Variants in CYREN observed in about 807,000 individuals in gnomAD.
CYREN encodes the protein cell cycle regulator of non-homologous end joining.
Under a neutral mutation model 9.7 loss-of-function variants are expected in CYREN, and 7 were observed. That is an observed-to-expected ratio of 0.72 (90% CI 0.41 to 1.36). The LOEUF (loss-of-function observed/expected upper bound fraction) is 1.36, where lower values mean the gene tolerates loss of function less well. Among genes scored for constraint, CYREN ranks in the 40% most tolerant of loss-of-function variants. CYREN has a pLI of 0.01. For synonymous variants in CYREN, 76 were observed against 77.9 expected, an observed-to-expected ratio of 0.98 and a Z score of 0.13; for missense variants, 215 against 198.1, an observed-to-expected ratio of 1.09 and a Z score of -0.51.
At chr7:135,164,776 C>T (rs292502), downstream of CYREN, 76 of 1,614,198 alleles carry the variant, frequency 4.7e-5, no homozygotes, top group Admixed American at 8.3e-5. Context: ...GATGAGAGAG[C>T]GTGGCGGCTG....
At chr7:135,101,915 T>C (rs1458323649) in intron 2 of CYREN, among the ~76,000 whole-genome samples, 1 of 152,176 alleles carries the variant, frequency 6.6e-6, no homozygotes, top group Non-Finnish European at 1.5e-5. Context: ...GTCCTCATGA[T>C]AGTAAATAAG....
intron 2 of CYREN, among the ~76,000 whole-genome samples, chr7:135,128,291 C>CAAAAAAAAAAAAA (rs61217008): frequency 1.7e-5 from 1 of 58,070 alleles, no homozygotes; most frequent in African/African-American, 8.1e-5. Flanking sequence ...GACTCCATCT[C>CAAAAAAAAAAAAA]AAAAAAAAAA....
At chr7:135,148,865 C>A (rs1244382483) in intron 2 of CYREN, among the ~76,000 whole-genome samples, 1 of 152,128 alleles carries the variant, frequency 6.6e-6, no homozygotes, top group African/African-American at 2.4e-5. Context: ...TATTTTAGTT[C>A]TCTTGATGCA....
chr7:135,125,084 A>T (rs1443527803), intron 2 of CYREN, among the ~76,000 whole-genome samples: 1 of 151,982 alleles, frequency 6.6e-6, no homozygotes, highest in Non-Finnish European at 1.5e-5. Context: ...GACACAAAAA[A>T]CTCCCCCAAA....
chr7:135,158,675 G>C (rs149541961), intron 2 of CYREN, among the ~76,000 whole-genome samples: 249 of 150,702 alleles, frequency 1.7e-3, no homozygotes, highest in Middle Eastern at 3.4e-3. Context: ...TGGGATCAGA[G>C]AGTGTCCCTC....
intron 2 of CYREN, chr7:135,128,601 C>G (rs1359781796): frequency 5.2e-6 from 4 of 776,362 alleles, no homozygotes; most frequent in Non-Finnish European, 7.1e-6. Flanking sequence ...GCTATCTGCT[C>G]TATGGGAAGA....
chr7:135,120,330 A>C (rs1826966103), intron 2 of CYREN, among the ~76,000 whole-genome samples: 1 of 152,238 alleles, frequency 6.6e-6, no homozygotes, highest in South Asian at 2.1e-4. Context: ...AAATGTGAGA[A>C]GGTAAAAGGA....
chr7:135,095,644 A>G (rs896911554), intron 2 of CYREN, among the ~76,000 whole-genome samples: 2 of 152,226 alleles, frequency 1.3e-5, no homozygotes, highest in Non-Finnish European at 2.9e-5. Context: ...TCCCCAAAAT[A>G]GAAAATGGAA....
At chr7:135,126,452 G>A (rs1371849022) in intron 2 of CYREN, among the ~76,000 whole-genome samples, 1 of 152,140 alleles carries the variant, frequency 6.6e-6, no homozygotes, top group African/African-American at 2.4e-5. Flanking sequence ...TCATGAAAAT[G>A]GCAGTACTGC....
intron 2 of CYREN, chr7:135,135,324 G>T (rs1417189798): frequency 7.5e-7 from 1 of 1,330,550 alleles, no homozygotes; most frequent in African/African-American, 1.5e-5. Flanking sequence ...GTAGTAAAAA[G>T]AAAAAAAGGA....
chr7:135,155,737 G>A (rs947226742), intron 2 of CYREN, among the ~76,000 whole-genome samples: 2 of 152,162 alleles, frequency 1.3e-5, no homozygotes, highest in African/African-American at 4.8e-5. Flanking sequence ...TGTATTTCTA[G>A]CTACTCAAAA....
intron 2 of CYREN, among the ~76,000 whole-genome samples, chr7:135,112,180 G>C (rs886506980): frequency 1.3e-5 from 2 of 151,996 alleles, no homozygotes; most frequent in Admixed American, 6.6e-5. Flanking sequence ...CCCTCATTTT[G>C]CCTCCCTTGA....
At chr7:135,104,064 T>G (rs1212370543) in intron 2 of CYREN, among the ~76,000 whole-genome samples, 2 of 152,120 alleles carry the variant, frequency 1.3e-5, no homozygotes, top group Non-Finnish European at 2.9e-5. Context: ...CTCTCCCTCC[T>G]CCCACCCTTC....
chr7:135,121,831 C>A (rs1827174977), intron 2 of CYREN, among the ~76,000 whole-genome samples: 1 of 152,176 alleles, frequency 6.6e-6, no homozygotes, highest in Non-Finnish European at 1.5e-5. Context: ...ATATCCCCAG[C>A]CAAGGGAGGT....
At chr7:135,102,425 T>A (rs1022670307) in intron 2 of CYREN, among the ~76,000 whole-genome samples, 2 of 152,194 alleles carry the variant, frequency 1.3e-5, no homozygotes, top group African/African-American at 4.8e-5. Context: ...GATAATAATA[T>A]GGAATAATTG....
At chr7:135,111,329 C>A (rs1437284810) in intron 2 of CYREN, among the ~76,000 whole-genome samples, 2 of 152,210 alleles carry the variant, frequency 1.3e-5, no homozygotes, top group Non-Finnish European at 2.9e-5. Context: ...CACTTCCTCA[C>A]TTGTATACTT....
At position 135,110,299 on chromosome 7, in the gene CYREN, G is replaced by A. The variant is rs145905072; in HGVS notation, n.357-15717C>T. On this transcript the variant is annotated intron_variant and non_coding_transcript_variant, in intron 2 of 2. Transcript: ENST00000459937. The stretch of plus-strand genomic sequence containing the variant: ...GCAGACGGTCACTGCTCAGCCCCCT[G>A]GATTCAGCCCCTTTCCTAGGGGTAT... 1.4e-4 allele frequency among the ~76,000 whole-genome samples: 22 copies of A among 152,300 alleles called. No homozygotes were observed. The East Asian group carries it at 4.2e-3, about 29-fold the overall frequency.
chr7:135,106,046 T>C (rs779350972), intron 2 of CYREN, among the ~76,000 whole-genome samples: 1 of 152,184 alleles, frequency 6.6e-6, no homozygotes, highest in Non-Finnish European at 1.5e-5. Context: ...TAGGCTGTTG[T>C]TGGTATATAG....
At chr7:135,128,691 C>T (rs1270033329) in intron 2 of CYREN, 25 of 1,318,464 alleles carry the variant, frequency 1.9e-5, no homozygotes, top group Non-Finnish European at 2.6e-5. Context: ...TATTGTCTCT[C>T]CTTTTGAGCT....
Sources: gnomAD v4.1 joint callset for allele counts (sites outside exome capture counted in the v4.1 genomes callset) on GRCh38, gnomAD v4.1.1 for gene constraint, MANE v1.5 for transcripts, NCBI Gene and HGNC (gene_info 2026-07-23, HGNC 2026-07-21) for gene names.